Variants in MED12L observed in about 807,000 individuals in gnomAD.
MED12L encodes mediator complex subunit 12L.
A neutral mutation model predicts 281.3 loss-of-function variants in MED12L; 60 were observed. The ratio of observed to expected loss-of-function variants is 0.21; its 90% CI spans 0.17 to 0.26. MED12L has a LOEUF of 0.26. Among genes scored for constraint, MED12L ranks in the 10% least tolerant of loss-of-function variants. MED12L has a pLI of 1.00. For missense variants in MED12L, 2,146 were observed against 2,680.9 expected (o/e 0.80, Z 4.41); for synonymous variants, 974 against 987.2 (o/e 0.99, Z 0.25).
intron 5 of MED12L, among the ~76,000 whole-genome samples, chr3:151,152,085 G>GGTT (rs1269821388): frequency 1.6e-5 from 1 of 62,984 alleles, no homozygotes; most frequent in African/African-American, 6.3e-5. Flanking sequence ...GTTGAAGGTG[G>GGTT]TTTTTTTTTT....
At chr3:151,175,004 T>C (rs1268388523) in intron 11 of MED12L, among the ~76,000 whole-genome samples, 1 of 152,226 alleles carries the variant, frequency 6.6e-6, no homozygotes, top group Admixed American at 6.5e-5. Flanking sequence ...AATGTTTATA[T>C]GTATAAAGAT....
intron 16 of MED12L, chr3:151,328,064 A>G (rs201083333): frequency 3.4e-5 from 55 of 1,609,882 alleles, no homozygotes; most frequent in Non-Finnish European, 4.2e-5. Context: ...TCTCCCTTGC[A>G]TACATGGTAG....
chr3:151,255,775 A>G (rs563438157), intron 16 of MED12L, among the ~76,000 whole-genome samples: 2 of 152,310 alleles, frequency 1.3e-5, no homozygotes, highest in African/African-American at 4.8e-5. Context: ...TTAATGCTAC[A>G]TAACGTGGCA....
chr3:151,368,951 G>A (rs1444022133), intron 25 of MED12L, among the ~76,000 whole-genome samples: 5 of 151,524 alleles, frequency 3.3e-5, no homozygotes, highest in Non-Finnish European at 7.4e-5. Context: ...TAGTAGAGAT[G>A]GGGATTTCAC....
chr3:151,156,968 C>G (rs866087453), intron 6 of MED12L, among the ~76,000 whole-genome samples: 16 of 152,030 alleles, frequency 1.1e-4, no homozygotes, highest in African/African-American at 3.1e-4. Flanking sequence ...CTAAATTTTC[C>G]CTTTAGAACC....
chr3:151,154,532 T>C (rs1323596554), intron 5 of MED12L, among the ~76,000 whole-genome samples: 2 of 152,208 alleles, frequency 1.3e-5, no homozygotes, highest in Admixed American at 6.5e-5. Flanking sequence ...AAAGGAGATA[T>C]ACCCTAGACA....
chr3:151,325,835 G>A (rs16863316), intron 16 of MED12L, among the ~76,000 whole-genome samples: 8,030 of 152,220 alleles, frequency 0.053, 218 homozygotes, highest in East Asian at 0.13. Flanking sequence ...GACATACCTG[G>A]CTGTTTAACA....
rs758956427 is a variant in MED12L at position 151,294,141 on chromosome 3, A to G, written c.2251-55918A>G. On this transcript the variant is annotated intron_variant, in intron 16 of 44. Coordinates refer to ENST00000687756, the MANE Select transcript of MED12L (RefSeq NM_001393769.1). ...AGAAACATTTATTTACACTTTGTAC[A>G]TATCGATTCCAACAAACAATAAAAG... 1.7e-5 allele frequency: 22 copies of G among 1,282,222 alleles called. No homozygotes were observed. In the Admixed American group the frequency reaches 2.8e-4, roughly 16 times the overall value. The allele number at this position is 1,282,222 out of a possible 1,614,324, so 79.4% of individuals were successfully genotyped here.
At position 151,434,384 on chromosome 3, in the gene MED12L, C is replaced by T. The variant is rs1295868686; in HGVS notation, c.*1580C>T. 6.6e-6 allele frequency: 1 copy of T among 152,208 alleles called. No individual in the cohort carries two copies. The highest frequency in any genetic ancestry group is 1.5e-5 in the Non-Finnish European group (1 of 68,042). 9.4% of individuals were successfully genotyped at this position (152,208 alleles called of 1,614,324 possible). ...CAGCTTACTTTGCTGTGGCAACATCCATGTGAACTGCTTTGTACACTGTGA... is the reference window on the plus strand; with the variant it reads ...CAGCTTACTTTGCTGTGGCAACATCTATGTGAACTGCTTTGTACACTGTGA... On this transcript the variant is annotated 3_prime_UTR_variant, in exon 45 of 45. Transcript: ENST00000687756.
chr3:151,201,561 T>C (rs963960417), intron 16 of MED12L, among the ~76,000 whole-genome samples: 12 of 152,220 alleles, frequency 7.9e-5, no homozygotes, highest in Non-Finnish European at 1.5e-4. Flanking sequence ...CACAGCATGT[T>C]CAGGCAGGAC....
rs1716035379 is a variant in MED12L at position 151,404,260 on chromosome 3, T to G, written c.5821-4983T>G. Among the ~76,000 whole-genome samples, 3 of 152,220 alleles carry G rather than the reference T, an allele frequency of 2.0e-5. No homozygotes were observed. In the South Asian group the frequency reaches 6.2e-4, roughly 31 times the overall value. On this transcript the variant is annotated intron_variant, in intron 39 of 44. Transcript: ENST00000687756. ...TCTGCTTTCTTAGGAAGTTAATGAA[T>G]CTATACTCAATCAGTTCTTATAATA... is the stretch of plus-strand genomic sequence containing the variant.
At chr3:151,387,712 C>A in intron 36 of MED12L, 98 bp from the exon 37 acceptor site, 1 of 1,441,888 alleles carries the variant, frequency 6.9e-7, no homozygotes, top group Non-Finnish European at 9.3e-7. Flanking sequence ...GGGCTCATGC[C>A]AGCCAAAGTG....
At chr3:151,305,131 T>C (rs1746476272) in intron 16 of MED12L, among the ~76,000 whole-genome samples, 2 of 152,234 alleles carry the variant, frequency 1.3e-5, no homozygotes, top group African/African-American at 4.8e-5. Flanking sequence ...CTACAGTGGC[T>C]CTGCATTGTC....
rs1576717528 is a variant in MED12L, at chr3:151,097,287, C to CT, written c.99+10263dup. On this transcript the variant is annotated intron_variant, in intron 2 of 44. Transcript: ENST00000687756. The stretch of plus-strand genomic sequence containing the variant: ...ATGGATCTTTCTTAGTTGTACAATG[C>CT]TGTGACCCTGAGAAGAGGAGAAAAA... Among the ~76,000 whole-genome samples the CT allele has an allele frequency of 2.0e-5, 3 of 152,308 alleles. No individual in the cohort carries two copies. In the East Asian group the frequency reaches 5.8e-4, roughly 29 times the overall value.
intron 16 of MED12L, among the ~76,000 whole-genome samples, chr3:151,285,701 GAAAA>G (rs1559982785): frequency 6.6e-6 from 1 of 151,884 alleles, no homozygotes; most frequent in Admixed American, 6.6e-5. Flanking sequence ...AAAAATAAAA[GAAAA>G]AAACATATTG....
At chr3:151,273,407 T>TTGTA (rs1278611920) in intron 16 of MED12L, among the ~76,000 whole-genome samples, 3 of 146,614 alleles carry the variant, frequency 2.0e-5, no homozygotes, top group Non-Finnish European at 4.5e-5. Flanking sequence ...TTTGTATTTT[T>TTGTA]TTTTTTTTTT....
chr3:151,280,145 G>T (rs772157634), intron 16 of MED12L, among the ~76,000 whole-genome samples: 2 of 152,178 alleles, frequency 1.3e-5, no homozygotes, highest in East Asian at 3.9e-4. Context: ...TGGTCCCCTC[G>T]TGGCAGGTGG....
At chr3:151,409,794 A>C (rs574333350) in intron 40 of MED12L, among the ~76,000 whole-genome samples, 1 of 152,034 alleles carries the variant, frequency 6.6e-6, no homozygotes, top group Non-Finnish European at 1.5e-5. Context: ...CAGTCTCTAC[A>C]AAAGAAAATA....
chr3:151,431,349 A>G (rs1464860797), intron 44 of MED12L, among the ~76,000 whole-genome samples: 1 of 152,166 alleles, frequency 6.6e-6, no homozygotes, highest in African/African-American at 2.4e-5. Context: ...ACTGAGGGGC[A>G]GCTTGGTTTT....
Sources: gnomAD v4.1 joint callset for allele counts (sites outside exome capture counted in the v4.1 genomes callset) on GRCh38, gnomAD v4.1.1 for gene constraint, MANE v1.5 for transcripts, NCBI Gene and HGNC (gene_info 2026-07-23, HGNC 2026-07-21) for gene names.